The following SLC9A9 variants were observed in gnomAD, a reference collection of about 807,000 sequenced individuals.
SLC9A9 encodes solute carrier family 9 member A9.
In SLC9A9, 62 loss-of-function variants were observed where a neutral mutation model predicts 77.8. The ratio of observed to expected loss-of-function variants is 0.80; its 90% confidence interval spans 0.65 to 0.98. The LOEUF is 0.98. Among genes scored for constraint, SLC9A9 ranks in the 50% least tolerant of loss-of-function variants. SLC9A9 has a pLI of 0.00. For synonymous variants in SLC9A9, 320 were observed against 283.5 expected (o/e 1.13, Z -1.29); for missense variants, 775 against 774.9 (o/e 1.00, Z 0.00).
At chr3:143,416,322 T>A (rs1293284585) in intron 12 of SLC9A9, among the ~76,000 whole-genome samples, 1 of 152,134 alleles carries the variant, frequency 6.6e-6, no homozygotes, top group Non-Finnish European at 1.5e-5. Context: ...TCTATATGGA[T>A]AAAATTCTAT....
intron 5 of SLC9A9, among the ~76,000 whole-genome samples, chr3:143,656,570 T>G (rs2038893048): frequency 6.6e-6 from 1 of 152,206 alleles, no homozygotes; most frequent in Admixed American, 6.5e-5. Flanking sequence ...CCCTATTTTC[T>G]AAGTGTTTTA....
chr3:143,813,234 T>G (rs186312897), intron 2 of SLC9A9, among the ~76,000 whole-genome samples: 1 of 152,082 alleles, frequency 6.6e-6, no homozygotes, highest in East Asian at 1.9e-4. Context: ...GGAAGGAAAT[T>G]AGGGTTCTGA....
intron 1 of SLC9A9, among the ~76,000 whole-genome samples, chr3:143,844,336 A>C (rs540028470): frequency 1.2e-5 from 1 of 83,388 alleles, no homozygotes; most frequent in South Asian, 6.9e-4. Flanking sequence ...TCTCAGGTAC[A>C]TTGATAAAAT....
chr3:143,832,776 C>T (rs1159596985), intron 1 of SLC9A9, among the ~76,000 whole-genome samples: 2 of 151,158 alleles, frequency 1.3e-5, no homozygotes, highest in African/African-American at 4.9e-5. Flanking sequence ...AAGAATGCAG[C>T]CAATATACTG....
chr3:143,337,784 G>C (rs1460049549), intron 14 of SLC9A9, among the ~76,000 whole-genome samples: 1 of 152,208 alleles, frequency 6.6e-6, no homozygotes, highest in Non-Finnish European at 1.5e-5. Context: ...CAGGGAAGGG[G>C]AATCTGTAGC....
intron 6 of SLC9A9, among the ~76,000 whole-genome samples, chr3:143,641,942 C>T (rs1241717092): frequency 6.6e-6 from 1 of 152,164 alleles, no homozygotes; most frequent in African/African-American, 2.4e-5. Context: ...CTATTATTGT[C>T]ATAGTCATGC....
intron 4 of SLC9A9, among the ~76,000 whole-genome samples, chr3:143,753,683 T>C (rs533325902): frequency 6.6e-6 from 1 of 152,236 alleles, no homozygotes; most frequent in South Asian, 2.1e-4. Flanking sequence ...TGGATGTGGC[T>C]GAGTGACTGA....
chr3:143,592,413 C>T (rs1215090438), intron 6 of SLC9A9, among the ~76,000 whole-genome samples: 5 of 151,688 alleles, frequency 3.3e-5, no homozygotes, highest in Middle Eastern at 3.4e-3. Flanking sequence ...AAAAAAAGTG[C>T]CTTGATAATG....
At chr3:143,794,219 T>G (rs2008305305) in intron 4 of SLC9A9, among the ~76,000 whole-genome samples, 1 of 152,228 alleles carries the variant, frequency 6.6e-6, no homozygotes, top group South Asian at 2.1e-4. Flanking sequence ...ATCAGTTTCT[T>G]GTGCTGGGTT....
Position 143,463,146 on chromosome 3 carries a change from G to A in SLC9A9, c.1469+3891C>T, listed in dbSNP as rs553685646. ...AGCTGTAAAGGTTATCTTGTTGAGG[G>A]CACTTTTCTAATGTCAGCTGGGAGA... On this transcript the variant is annotated intron_variant, in intron 12 of 15. Coordinates refer to ENST00000316549, the MANE Select transcript of SLC9A9 (RefSeq NM_173653.4). Among the ~76,000 whole-genome samples, 303 of 152,296 alleles carry A rather than the reference G, an allele frequency of 2.0e-3. 3 individuals carry two copies. The highest frequency in any genetic ancestry group is 6.0e-3 in the South Asian group (29 of 4,826).
intron 14 of SLC9A9, among the ~76,000 whole-genome samples, chr3:143,328,073 T>C (rs2031654952): frequency 6.6e-6 from 1 of 152,192 alleles, no homozygotes; most frequent in Non-Finnish European, 1.5e-5. Flanking sequence ...TCTCTATAAA[T>C]CAGAATCTGA....
At chr3:143,815,545 T>TA (rs2008983918) in intron 2 of SLC9A9, among the ~76,000 whole-genome samples, 46 of 150,314 alleles carry the variant, frequency 3.1e-4, no homozygotes, top group Admixed American at 4.6e-4. Context: ...TTTTGCTATT[T>TA]TAAAAAAAAA....
At chr3:143,806,246 C>A (rs536000076) in intron 2 of SLC9A9, among the ~76,000 whole-genome samples, 1 of 152,114 alleles carries the variant, frequency 6.6e-6, no homozygotes, top group Non-Finnish European at 1.5e-5. Flanking sequence ...ACTCATCTTT[C>A]AAGCTGCCTC....
chr3:143,620,065 CCTT>C (rs1483993837), intron 6 of SLC9A9, among the ~76,000 whole-genome samples: 1 of 152,148 alleles, frequency 6.6e-6, no homozygotes, highest in African/African-American at 2.4e-5. Context: ...CTGAGAGAAT[CCTT>C]CTTCTGGTAG....
intron 12 of SLC9A9, among the ~76,000 whole-genome samples, chr3:143,442,986 T>C (rs894277525): frequency 4.6e-5 from 7 of 152,188 alleles, no homozygotes; most frequent in Non-Finnish European, 7.4e-5. Flanking sequence ...TTGTTTCTAG[T>C]ACTTAAGCAT....
chr3:143,323,972 G>A lies in SLC9A9; in HGVS notation c.1604+39512C>T, dbSNP rs143398545. 3.4e-3 allele frequency among the ~76,000 whole-genome samples: 516 copies of A among 151,852 alleles called. 3 individuals are homozygous for A. Among genetic ancestry groups the A allele is most frequent in the East Asian group, 0.017 (86 of 5,162 alleles). ...ACCTAATTTTCCAATTATTTAGTTG[G>A]TCATATATACTTTGTCCCAATGTAT... On this transcript the variant is annotated intron_variant, in intron 14 of 15. Coordinates refer to ENST00000316549, the MANE Select transcript of SLC9A9 (RefSeq NM_173653.4).
chr3:143,489,986 T>C (rs2035712430), intron 11 of SLC9A9, among the ~76,000 whole-genome samples: 1 of 152,108 alleles, frequency 6.6e-6, no homozygotes, highest in South Asian at 2.1e-4. Context: ...TCATACCCAT[T>C]GGGATGACTA....
At chr3:143,813,598 T>C (rs566897227) in intron 2 of SLC9A9, among the ~76,000 whole-genome samples, 2 of 152,278 alleles carry the variant, frequency 1.3e-5, no homozygotes, top group South Asian at 4.1e-4. Flanking sequence ...TCTGTCCAGT[T>C]GGGTCTCTCT....
intron 8 of SLC9A9, among the ~76,000 whole-genome samples, chr3:143,564,587 A>C (rs534709206): frequency 6.6e-6 from 1 of 152,314 alleles, no homozygotes; most frequent in African/African-American, 2.4e-5. Flanking sequence ...CCTGGAACTG[A>C]GAAGTCAAAG....
Sources: gnomAD v4.1 joint callset for allele counts (sites outside exome capture counted in the v4.1 genomes callset) on GRCh38, gnomAD v4.1.1 for gene constraint, MANE v1.5 for transcripts, NCBI Gene and HGNC (gene_info 2026-07-23, HGNC 2026-07-21) for gene names.